Variants in KRT72 observed in about 807,000 individuals in gnomAD.
KRT72 encodes keratin 72, also known as keratin, type II cytoskeletal 72.
A neutral mutation model predicts 44.7 loss-of-function variants in KRT72; 44 were observed. The observed-to-expected ratio is 0.98, with a 90% CI of 0.77 to 1.27. The LOEUF (loss-of-function observed/expected upper bound fraction) is 1.27. KRT72 is among the 50% of genes most tolerant of loss of function. The pLI is 0.00. For synonymous variants in KRT72, 302 were observed against 280.4 expected (o/e 1.08, Z -0.77); for missense variants, 736 against 667.1 (o/e 1.10, Z -1.14).
At chr12:52,586,464 GC>G (rs1939749945) in intron 8 of KRT72, among the ~76,000 whole-genome samples, 1 of 152,196 alleles carries the variant, frequency 6.6e-6, no homozygotes, top group Non-Finnish European at 1.5e-5. Flanking sequence ...CCCATCTGGT[GC>G]TGCTGGTCTG....
At chr12:52,588,971 G>C (rs1246977473) in intron 6 of KRT72, among the ~76,000 whole-genome samples, 1 of 149,316 alleles carries the variant, frequency 6.7e-6, no homozygotes, top group Non-Finnish European at 1.5e-5. Flanking sequence ...CAGAACTCCA[G>C]CCTGGGTGAC....
chr12:52,592,885 CT>C lies in KRT72; in HGVS notation c.702+6del, dbSNP rs1940100507. On this transcript the variant is annotated splice_donor_region_variant and intron_variant, in intron 3 of 8. Coordinates refer to ENST00000293745, the MANE Select transcript of KRT72 (RefSeq NM_080747.3). ...GCTTCTTCCAGCCCACCTGGCACCC[CT>C]CTTACCTTCTTGAGCACCACAAACT... 4 of 1,613,574 alleles carry C rather than the reference CT, an allele frequency of 2.5e-6. No individual in the cohort carries two copies. The highest frequency in any genetic ancestry group is 1.3e-5 in the African/African-American group (1 of 74,904).
At chr12:52,594,766 C>G (rs1940177485) in intron 2 of KRT72, among the ~76,000 whole-genome samples, 1 of 152,070 alleles carries the variant, frequency 6.6e-6, no homozygotes, top group South Asian at 2.1e-4. Flanking sequence ...AAAAAAAAAG[C>G]ACTGTTGAAT....
chr12:52,587,306 CT>C (rs1555163489), intron 7 of KRT72, among the ~76,000 whole-genome samples: 2 of 152,196 alleles, frequency 1.3e-5, no homozygotes, highest in Non-Finnish European at 2.9e-5. Context: ...GAGCCCCAGG[CT>C]TTGCTGGAGC....
In KRT72 at chr12:52,592,928, G is replaced by A. The variant is rs368970142; in HGVS notation, c.666C>T (p.Arg222=). ...CCACAAACTCATTCTCAGCAGCTGT[G>A]CGTCTGTTAATCTCCACCTCATACC... ...KKRYEVEINR[R]TAAENEFVVL... Residue 222 remains arginine, a synonymous_variant, in exon 3 of 9, where the codon CGC becomes CGT. Transcript: ENST00000293745. 3.1e-6 allele frequency: 5 copies of A among 1,613,652 alleles called. No individual in the cohort carries two copies. In the African/African-American group the frequency reaches 6.7e-5, roughly 22 times the overall value.
upstream of KRT72, among the ~76,000 whole-genome samples, chr12:52,602,088 T>G (rs1426946717): frequency 6.6e-6 from 1 of 151,964 alleles, no homozygotes; most frequent in Non-Finnish European, 1.5e-5. Flanking sequence ...TGGTCACAAG[T>G]GTTGAGGGTT....
chr12:52,587,035 C>A, intron 7 of KRT72, 55 bp from the exon 8 acceptor site: 3 of 1,543,428 alleles, frequency 1.9e-6, no homozygotes, highest in East Asian at 2.2e-5. Flanking sequence ...ACCCCAACCA[C>A]CTGGAAGTCA....
rs1172861497 is a variant in KRT72 at position 52,601,378 on chromosome 12, G to A, written c.75C>T (p.Gly25=). The change falls in exon 1 of 9, where the codon GGC becomes GGT. Residue 25 remains glycine (G), a synonymous_variant. Transcript: ENST00000293745. ...ATGAGGCGGAGCTGCTGCCGATCCC[G>A]CCAGAGAGGACCGCGGAGCAACCGC... is the stretch of plus-strand genomic sequence containing the variant. ...GFSGCSAVLS[G]GIGSSSASFR... 1.4e-5 allele frequency: 21 copies of A among 1,542,930 alleles called. 1 individual carries two copies. The highest frequency in any genetic ancestry group is 2.4e-5 in the South Asian group (2 of 84,084).
At chr12:52,591,819 C>T (rs1940044462) in intron 4 of KRT72, among the ~76,000 whole-genome samples, 191 bp from the exon 5 acceptor site, 1 of 152,184 alleles carries the variant, frequency 6.6e-6, no homozygotes, top group South Asian at 2.1e-4. Context: ...TGAGACTCCT[C>T]TCTCCATTGC....
chr12:52,600,583 G>A (rs946098076), intron 1 of KRT72, among the ~76,000 whole-genome samples: 8 of 152,108 alleles, frequency 5.3e-5, no homozygotes, highest in Admixed American at 2.6e-4. Context: ...TAAGTATCAC[G>A]AGATCTGATG....
At chr12:52,600,662 CTTTGGCCTCCCGT>C (rs1415718521) in intron 1 of KRT72, among the ~76,000 whole-genome samples, 1 of 151,948 alleles carries the variant, frequency 6.6e-6, no homozygotes, top group East Asian at 1.9e-4. Context: ...TAAGACGTGA[CTTTGGCCTCCCGT>C]TATGATTCTG....
chr12:52,597,104 T>C (rs1233919016), intron 2 of KRT72, among the ~76,000 whole-genome samples: 5 of 152,236 alleles, frequency 3.3e-5, no homozygotes, highest in African/African-American at 1.2e-4. Flanking sequence ...GATGTGGCTA[T>C]TACAATTTTA....
At chr12:52,594,704 G>A (rs7953350) in intron 2 of KRT72, among the ~76,000 whole-genome samples, 52,639 of 151,994 alleles carry the variant, frequency 0.35, 9,789 homozygotes, top group East Asian at 0.59. Flanking sequence ...TACATATGTA[G>A]CAAACCTGCA....
rs1940024477 is a variant in KRT72 at position 52,591,541 on chromosome 12, T to G, written c.886A>C (p.Ile296Leu). Residue 296 changes from isoleucine to leucine, a missense_variant, in exon 5 of 9, where the codon ATT becomes CTT. By Grantham distance (5) the Ile-to-Leu change is conservative (BLOSUM62 2). Coordinates refer to ENST00000293745, the MANE Select transcript of KRT72 (RefSeq NM_080747.3). The stretch of plus-strand genomic sequence containing the variant: ...TCGTACTGGGCACGGACCTCGGCAA[T>G]GATGCTGTCCAGGTCCAGATCCCGG... ...NNRDLDLDSI[I>L]AEVRAQYEEI... The G allele has an allele frequency of 6.2e-7, 1 of 1,614,100 alleles. No individual in the cohort carries two copies. The highest frequency in any genetic ancestry group is 1.1e-5 in the South Asian group (1 of 91,076).
chr12:52,601,016 C>G lies in KRT72; in HGVS notation c.426+11G>C, dbSNP rs1187511836. ...CCCAACGCAGGGACAGGCCAATGCCCGAGGACTCACCTTGTCGATGAAGGA... is the reference window on the plus strand; with the variant it reads ...CCCAACGCAGGGACAGGCCAATGCCGGAGGACTCACCTTGTCGATGAAGGA... On this transcript the variant is annotated intron_variant, in intron 1 of 8. Transcript: ENST00000293745. 5 of 1,610,680 alleles carry G rather than the reference C, an allele frequency of 3.1e-6. No individual in the cohort carries two copies. The African/African-American group carries it at 4.0e-5, about 13-fold the overall frequency.
chr12:52,600,102 C>T (rs61929569), intron 1 of KRT72, among the ~76,000 whole-genome samples: 10,620 of 152,196 alleles, frequency 0.07, 495 homozygotes, highest in African/African-American at 0.13. Context: ...TTCCCTATTA[C>T]CCCAATTTCT....
chr12:52,602,767 C>T (rs548169885), upstream of KRT72, among the ~76,000 whole-genome samples: 2 of 152,320 alleles, frequency 1.3e-5, no homozygotes, highest in South Asian at 4.1e-4. Context: ...CAGTGATACC[C>T]TGAAGGCTGG....
chr12:52,591,310 T>C (rs1243467525), intron 5 of KRT72, among the ~76,000 whole-genome samples, 154 bp downstream of exon 5: 1 of 152,032 alleles, frequency 6.6e-6, no homozygotes, highest in African/African-American at 2.4e-5. Flanking sequence ...GGGGTGGCAT[T>C]TCCGCAAGGC....
At chr12:52,591,170 G>T (rs1940001161) in intron 5 of KRT72, among the ~76,000 whole-genome samples, 1 of 152,204 alleles carries the variant, frequency 6.6e-6, no homozygotes, top group African/African-American at 2.4e-5. Context: ...ATTACCCATA[G>T]AAACTGTGTC....
Sources: allele counts gnomAD v4.1 joint callset (sites outside exome capture counted in the v4.1 genomes callset), GRCh38; gene constraint gnomAD v4.1.1; transcripts MANE v1.5; gene names NCBI Gene and HGNC (gene_info 2026-07-23, HGNC 2026-07-21).